LRRC37A2: variants seen among roughly 807,000 people sequenced by gnomAD.
LRRC37A2 encodes the protein leucine rich repeat containing 37 member A2, also known as leucine-rich repeat-containing protein 37A2.
LRRC37A2 carries 9 observed loss-of-function variants against 68.8 expected under a neutral mutation model. The observed-to-expected ratio is 0.13, with a 90% CI of 0.08 to 0.23. The LOEUF is 0.23. Ranked by LOEUF, LRRC37A2 falls within the 10% of genes least tolerant of loss-of-function variation. LRRC37A2 has a pLI of 1.00. For missense variants in LRRC37A2, 168 were observed against 950.4 expected (o/e 0.18, Z 10.82); for synonymous variants, 63 against 367.6 (o/e 0.17, Z 9.48).
the LRRC37A2 span, among the ~76,000 whole-genome samples, chr17:46,501,538 T>C: frequency 6.6e-6 from 1 of 151,288 alleles, no homozygotes; most frequent in Non-Finnish European, 1.5e-5. Context: ...CCGGCTGTTA[T>C]ATAAAGGAGA....
At chr17:46,493,035 A>G in the LRRC37A2 span, among the ~76,000 whole-genome samples, 1 of 142,668 alleles carries the variant, frequency 7.0e-6, no homozygotes, top group African/African-American at 2.8e-5. Context: ...TAATAAGTAT[A>G]TGGTGGTAGC....
chr17:46,763,156 T>TA, the LRRC37A2 span: 2 of 152,200 alleles, frequency 1.3e-5, no homozygotes, highest in Admixed American at 1.3e-4. Flanking sequence ...CAGGGTTAGG[T>TA]AGACCCCAGA....
the LRRC37A2 span, among the ~76,000 whole-genome samples, chr17:46,715,362 A>T: frequency 1.2e-4 from 18 of 152,258 alleles, no homozygotes; most frequent in Non-Finnish European, 2.1e-4. Context: ...TTTCCCTCTG[A>T]TGGGAACCCT....
chr17:46,466,856 A>T, the LRRC37A2 span, among the ~76,000 whole-genome samples: 1 of 102,934 alleles, frequency 9.7e-6, no homozygotes. Context: ...TGGTACCAAA[A>T]CAGATATATA....
At chr17:46,857,129 A>G in the LRRC37A2 span, among the ~76,000 whole-genome samples, 1 of 152,082 alleles carries the variant, frequency 6.6e-6, no homozygotes, top group Admixed American at 6.6e-5. Flanking sequence ...ATTCCTTTGT[A>G]TGGCTATACC....
the LRRC37A2 span, among the ~76,000 whole-genome samples, chr17:46,897,521 T>C: frequency 6.6e-6 from 1 of 152,146 alleles, no homozygotes; most frequent in Non-Finnish European, 1.5e-5. Flanking sequence ...TTGGGGGCCA[T>C]AGAGTCACTG....
At chr17:46,765,524 G>A in the LRRC37A2 span, among the ~76,000 whole-genome samples, 1 of 152,246 alleles carries the variant, frequency 6.6e-6, no homozygotes, top group Non-Finnish European at 1.5e-5. Context: ...AGGGCCCGGG[G>A]CCTGCTCTGC....
the LRRC37A2 span, among the ~76,000 whole-genome samples, chr17:46,631,061 T>TACACACACACACACACACACACACAC: frequency 2.8e-4 from 34 of 122,834 alleles, no homozygotes; most frequent in South Asian, 7.9e-4. Flanking sequence ...TCTCTCTCTG[T>TACACACACACACACACACACACACAC]ACACACACAC....
the LRRC37A2 span, among the ~76,000 whole-genome samples, chr17:46,907,398 G>A: frequency 3.3e-4 from 50 of 152,146 alleles, no homozygotes; most frequent in Middle Eastern, 6.8e-3. Context: ...CCTGGGGCCA[G>A]CTGACCCTTG....
the LRRC37A2 span, chr17:46,935,616 C>G: frequency 3.6e-5 from 38 of 1,055,218 alleles, no homozygotes; most frequent in African/African-American, 6.1e-4. Context: ...TAACTGAATC[C>G]CCACTGTGCA....
chr17:46,691,610 CA>C, the LRRC37A2 span, among the ~76,000 whole-genome samples: 1 of 151,576 alleles, frequency 6.6e-6, no homozygotes, highest in Non-Finnish European at 1.5e-5. Flanking sequence ...AACAAACAAA[CA>C]AAACAACGAT....
the LRRC37A2 span, among the ~76,000 whole-genome samples, chr17:46,830,291 G>A: frequency 1.1e-4 from 16 of 151,994 alleles, no homozygotes; most frequent in African/African-American, 3.1e-4. Context: ...TCGCTCTGTC[G>A]CCTGGGCTAC....
chr17:46,831,327 C>G, the LRRC37A2 span: 1 of 152,282 alleles, frequency 6.6e-6, no homozygotes, highest in Non-Finnish European at 1.5e-5. Flanking sequence ...CTGAGATTAC[C>G]CCCAGCATCT....
the LRRC37A2 span, among the ~76,000 whole-genome samples, chr17:47,027,349 T>C: frequency 3.9e-5 from 6 of 152,296 alleles, no homozygotes; most frequent in East Asian, 9.6e-4. Flanking sequence ...AAGTCTATTA[T>C]GTTGTATATT....
chr17:46,455,665 C>G, the LRRC37A2 span, among the ~76,000 whole-genome samples: 1 of 139,110 alleles, frequency 7.2e-6, no homozygotes, highest in African/African-American at 2.6e-5. Flanking sequence ...TCCATGGCGA[C>G]ACACTATTTA....
chr17:46,807,876 G>A, the LRRC37A2 span, among the ~76,000 whole-genome samples: 1 of 152,244 alleles, frequency 6.6e-6, no homozygotes, highest in Non-Finnish European at 1.5e-5. Flanking sequence ...AGGGAAGCAT[G>A]CTTTATCAGA....
chr17:46,985,196 T>C, the LRRC37A2 span, among the ~76,000 whole-genome samples: 1 of 152,222 alleles, frequency 6.6e-6, no homozygotes, highest in Non-Finnish European at 1.5e-5. Context: ...GGTTGGCCCC[T>C]GCTCAGTTTA....
the LRRC37A2 span, among the ~76,000 whole-genome samples, chr17:46,782,017 A>C: frequency 4.6e-5 from 7 of 152,174 alleles, no homozygotes; most frequent in Non-Finnish European, 1.0e-4. Flanking sequence ...GGGCACAAAA[A>C]GGACCCACCT....
At chr17:46,745,887 C>T in the LRRC37A2 span, among the ~76,000 whole-genome samples, 1 of 152,082 alleles carries the variant, frequency 6.6e-6, no homozygotes, top group Non-Finnish European at 1.5e-5. Flanking sequence ...ACCTCAACAC[C>T]CAGCTTTTGT....
Sources: gnomAD v4.1 joint callset for allele counts (sites outside exome capture counted in the v4.1 genomes callset) on GRCh38, gnomAD v4.1.1 for gene constraint, MANE v1.5 for transcripts, NCBI Gene and HGNC (gene_info 2026-07-23, HGNC 2026-07-21) for gene names.